Variants in SMYD3 observed in about 807,000 individuals in gnomAD.
The protein encoded by SMYD3 is histone-lysine N-methyltransferase SMYD3.
SMYD3 carries 36 observed loss-of-function variants against 57.7 expected under a neutral mutation model. The ratio of observed to expected loss-of-function variants is 0.62; its 90% confidence interval spans 0.48 to 0.82. The LOEUF (loss-of-function observed/expected upper bound fraction) is 0.82. SMYD3 is among the 40% of genes least tolerant of loss of function. SMYD3 has a pLI of 0.00. For missense variants in SMYD3, 515 were observed against 538.8 expected (o/e 0.96, Z 0.44); for synonymous variants, 211 against 195.0 (o/e 1.08, Z -0.68).
intron 5 of SMYD3, among the ~76,000 whole-genome samples, chr1:245,950,686 A>T (rs553833942): frequency 5.3e-5 from 8 of 152,356 alleles, no homozygotes; most frequent in Admixed American, 2.0e-4. Flanking sequence ...TCCGATATAA[A>T]GTTACACTGC....
chr1:246,311,765 GTTCAAAAATACCCAGCCT>G (rs1242497865), intron 5 of SMYD3, among the ~76,000 whole-genome samples: 1 of 152,204 alleles, frequency 6.6e-6, no homozygotes, highest in Non-Finnish European at 1.5e-5. Flanking sequence ...TTACGAATTG[GTTCAAAAATACCCAGCCT>G]TTCAAAAATA....
At chr1:246,230,101 A>T (rs1480048457) in intron 5 of SMYD3, among the ~76,000 whole-genome samples, 1 of 152,188 alleles carries the variant, frequency 6.6e-6, no homozygotes, top group East Asian at 1.9e-4. Flanking sequence ...GAATGTGTGA[A>T]GATTTTCTAA....
intron 5 of SMYD3, among the ~76,000 whole-genome samples, chr1:246,003,854 A>G (rs1357484083): frequency 2.6e-5 from 4 of 152,214 alleles, no homozygotes; most frequent in Admixed American, 6.5e-5. Flanking sequence ...AAAATATAAT[A>G]CAGTCGTGTA....
Position 246,474,253 on chromosome 1 carries a change from C to T in SMYD3, c.164+32801G>A, listed in dbSNP as rs147251289. Among the ~76,000 whole-genome samples, 22 of 152,314 alleles carry T rather than the reference C, an allele frequency of 1.4e-4. No individual in the cohort carries two copies. In the East Asian group the frequency reaches 4.1e-3, roughly 28 times the overall value. ...TTTAGAAGTGGGCCGGGCGCGGTGG[C>T]TCATGCCTTTAATGCAAGCACTTTG... On this transcript the variant is annotated intron_variant, in intron 1 of 11. Coordinates refer to ENST00000490107, the MANE Select transcript of SMYD3 (RefSeq NM_001167740.2).
chr1:245,853,525 C>T (rs957135573), intron 10 of SMYD3, among the ~76,000 whole-genome samples: 1 of 152,188 alleles, frequency 6.6e-6, no homozygotes, highest in Non-Finnish European at 1.5e-5. Flanking sequence ...CTGCACCAAA[C>T]GTGCGCTCAG....
chr1:246,311,776 C>A (rs1479300943), intron 5 of SMYD3, among the ~76,000 whole-genome samples: 2 of 152,198 alleles, frequency 1.3e-5, no homozygotes, highest in Non-Finnish European at 2.9e-5. Context: ...TTCAAAAATA[C>A]CCAGCCTTTC....
intron 5 of SMYD3, among the ~76,000 whole-genome samples, chr1:245,931,386 A>C (rs995567881): frequency 2.0e-5 from 3 of 152,184 alleles, no homozygotes. Context: ...GAATGAAAGG[A>C]GTCAGGATAA....
intron 5 of SMYD3, among the ~76,000 whole-genome samples, chr1:246,290,140 G>C (rs2064659475): frequency 6.6e-6 from 1 of 152,212 alleles, no homozygotes; most frequent in Admixed American, 6.5e-5. Flanking sequence ...CATATGAAGA[G>C]AGGAAATTGG....
intron 5 of SMYD3, among the ~76,000 whole-genome samples, chr1:246,088,231 C>A (rs1485260541): frequency 6.6e-6 from 1 of 151,990 alleles, no homozygotes; most frequent in African/African-American, 2.4e-5. Flanking sequence ...CACACACACT[C>A]TCTCTCTCTT....
At chr1:245,854,321 G>T (rs1217854289) in intron 10 of SMYD3, among the ~76,000 whole-genome samples, 1 of 152,026 alleles carries the variant, frequency 6.6e-6, no homozygotes, top group African/African-American at 2.4e-5. Context: ...TAAGAGCAGG[G>T]GGACCTAACT....
intron 5 of SMYD3, among the ~76,000 whole-genome samples, chr1:246,008,861 G>A (rs1221498162): frequency 1.3e-5 from 2 of 152,170 alleles, no homozygotes; most frequent in African/African-American, 4.8e-5. Context: ...TGCAGAGTGA[G>A]GTAAATCCTC....
chr1:245,966,039 G>A (rs749790094), intron 5 of SMYD3, among the ~76,000 whole-genome samples: 1 of 152,082 alleles, frequency 6.6e-6, no homozygotes, highest in African/African-American at 2.4e-5. Flanking sequence ...AACATAAAAC[G>A]GTTCTCAAAT....
chr1:246,377,465 G>C (rs1334049660), intron 1 of SMYD3, among the ~76,000 whole-genome samples: 2 of 151,688 alleles, frequency 1.3e-5, no homozygotes, highest in African/African-American at 4.8e-5. Context: ...CGCCTCCCGG[G>C]TTCAAGCGAT....
At chr1:246,186,180 T>C (rs2062637372) in intron 5 of SMYD3, among the ~76,000 whole-genome samples, 1 of 152,216 alleles carries the variant, frequency 6.6e-6, no homozygotes, top group Non-Finnish European at 1.5e-5. Flanking sequence ...ATAAAACACA[T>C]ATAAAAGATT....
chr1:246,034,081 C>G (rs964833114), intron 5 of SMYD3, among the ~76,000 whole-genome samples: 2 of 152,060 alleles, frequency 1.3e-5, no homozygotes, highest in Admixed American at 1.3e-4. Flanking sequence ...GAAAAATTGC[C>G]TAGCACAGAC....
intron 5 of SMYD3, among the ~76,000 whole-genome samples, chr1:246,167,052 T>C (rs1371362759): frequency 6.6e-6 from 1 of 152,216 alleles, no homozygotes; most frequent in Non-Finnish European, 1.5e-5. Flanking sequence ...GCGTCTTGTG[T>C]CTGGCTCCCT....
chr1:246,463,396 G>C (rs2067831200), intron 1 of SMYD3, among the ~76,000 whole-genome samples: 1 of 152,136 alleles, frequency 6.6e-6, no homozygotes, highest in South Asian at 2.1e-4. Context: ...TGGGGTACTA[G>C]TTACTGAAAT....
chr1:245,836,132 A>G (rs1029519478), intron 10 of SMYD3, among the ~76,000 whole-genome samples: 1 of 152,208 alleles, frequency 6.6e-6, no homozygotes, highest in Non-Finnish European at 1.5e-5. Context: ...ATCATTGGCA[A>G]TTTGGTTATT....
chr1:245,931,719 G>T (rs2056732696), intron 5 of SMYD3, among the ~76,000 whole-genome samples: 1 of 152,136 alleles, frequency 6.6e-6, no homozygotes, highest in African/African-American at 2.4e-5. Context: ...TTCTGTAAAG[G>T]AAAAAGTGAT....
Sources: gnomAD v4.1 joint callset for allele counts (sites outside exome capture counted in the v4.1 genomes callset) on GRCh38, gnomAD v4.1.1 for gene constraint, MANE v1.5 for transcripts, NCBI Gene and HGNC (gene_info 2026-07-23, HGNC 2026-07-21) for gene names.